SLC24A2: variants seen among roughly 807,000 people sequenced by gnomAD.
SLC24A2 encodes sodium/potassium/calcium exchanger 2.
A neutral mutation model predicts 62.0 loss-of-function variants in SLC24A2; 36 were observed. The ratio of observed to expected loss-of-function variants is 0.58; its 90% CI spans 0.44 to 0.77. The LOEUF is 0.77. Ranked by LOEUF, SLC24A2 falls within the 30% of genes least tolerant of loss-of-function variation. SLC24A2 has a pLI of 0.00. For missense variants in SLC24A2, 846 were observed against 817.9 expected, an observed-to-expected ratio of 1.03 and a Z score of -0.42; for synonymous variants, 358 against 294.0, an observed-to-expected ratio of 1.22 and a Z score of -2.23.
At chr9:20,039,567 T>G in the SLC24A2 span, among the ~76,000 whole-genome samples, 1 of 151,794 alleles carries the variant, frequency 6.6e-6, no homozygotes, top group South Asian at 2.1e-4. Context: ...AGGTTGGCAT[T>G]GTGGAAATAG....
At chr9:19,777,434 C>G (rs148781243) in intron 2 of SLC24A2, among the ~76,000 whole-genome samples, 1 of 152,064 alleles carries the variant, frequency 6.6e-6, no homozygotes, top group African/African-American at 2.4e-5. Context: ...TCTGCTTCTA[C>G]GAAATCAGAA....
chr9:19,844,851 C>G, the SLC24A2 span, among the ~76,000 whole-genome samples: 7 of 152,036 alleles, frequency 4.6e-5, no homozygotes, highest in East Asian at 1.2e-3. Context: ...TTTCTGGGTT[C>G]TCTTTTCTGT....
chr9:19,673,990 G>T (rs994921792), intron 2 of SLC24A2, among the ~76,000 whole-genome samples: 3 of 152,112 alleles, frequency 2.0e-5, no homozygotes, highest in African/African-American at 7.2e-5. Flanking sequence ...ATGCTTTAAG[G>T]AGGTTCTATT....
the SLC24A2 span, among the ~76,000 whole-genome samples, chr9:20,175,679 T>C: frequency 2.0e-5 from 3 of 152,036 alleles, no homozygotes; most frequent in African/African-American, 7.2e-5. Context: ...AAACAAATAT[T>C]AAAACCTTAG....
At chr9:19,758,396 G>A (rs925312464) in intron 2 of SLC24A2, among the ~76,000 whole-genome samples, 14 of 152,124 alleles carry the variant, frequency 9.2e-5, no homozygotes, top group East Asian at 3.9e-4. Flanking sequence ...TGAATAGGAC[G>A]TCAGCCCTTC....
intron 2 of SLC24A2, among the ~76,000 whole-genome samples, chr9:19,780,019 C>T (rs1822964966): frequency 6.6e-6 from 1 of 152,012 alleles, no homozygotes; most frequent in South Asian, 2.1e-4. Context: ...GCCGAGATCG[C>T]ACCACTGCAC....
chr9:19,524,709 G>T (rs1185354429), intron 9 of SLC24A2, among the ~76,000 whole-genome samples: 1 of 152,148 alleles, frequency 6.6e-6, no homozygotes, highest in African/African-American at 2.4e-5. Context: ...TCAATGAAAA[G>T]TAAGGCTTCC....
intron 2 of SLC24A2, among the ~76,000 whole-genome samples, chr9:19,700,182 TG>T (rs201609126): frequency 0.013 from 1,954 of 152,310 alleles, 42 homozygotes; most frequent in African/African-American, 0.045. Context: ...ACCAACTTCT[TG>T]GTTTTATGAC....
At chr9:20,046,982 T>A in the SLC24A2 span, among the ~76,000 whole-genome samples, 1 of 152,178 alleles carries the variant, frequency 6.6e-6, no homozygotes, top group South Asian at 2.1e-4. Flanking sequence ...GAAGACCACT[T>A]AGGGATCCCT....
chr9:19,555,039 G>C (rs1835014516), intron 7 of SLC24A2, among the ~76,000 whole-genome samples: 1 of 152,110 alleles, frequency 6.6e-6, no homozygotes, highest in Non-Finnish European at 1.5e-5. Flanking sequence ...GTTAACACTA[G>C]ACTAGGTGTC....
At chr9:19,596,733 G>A (rs1050523291) in intron 5 of SLC24A2, among the ~76,000 whole-genome samples, 6 of 152,192 alleles carry the variant, frequency 3.9e-5, no homozygotes, top group African/African-American at 1.4e-4. Flanking sequence ...GGACTGCAGG[G>A]AGACAGGCCA....
At chr9:20,024,819 T>G in the SLC24A2 span, among the ~76,000 whole-genome samples, 2 of 152,146 alleles carry the variant, frequency 1.3e-5, no homozygotes, top group Non-Finnish European at 2.9e-5. Flanking sequence ...ATGAAGCATC[T>G]GAGCCTAAAG....
At chr9:19,521,102 T>A in intron 9 of SLC24A2, 42 bp from the exon 10 acceptor site, 26 of 1,601,878 alleles carry the variant, frequency 1.6e-5, no homozygotes, top group Non-Finnish European at 2.2e-5. Context: ...TGTTTGAAGT[T>A]ACAAAATCAT....
chr9:19,667,922 G>C (rs551199846), intron 2 of SLC24A2, among the ~76,000 whole-genome samples: 1 of 152,234 alleles, frequency 6.6e-6, no homozygotes, highest in South Asian at 2.1e-4. Flanking sequence ...CAAGACTTCT[G>C]GGACTTTTCC....
intron 2 of SLC24A2, among the ~76,000 whole-genome samples, chr9:19,688,373 C>G (rs1819947033): frequency 6.6e-6 from 1 of 151,982 alleles, no homozygotes; most frequent in African/African-American, 2.4e-5. Flanking sequence ...AATGAGAAAA[C>G]ATGAAAATGG....
At chr9:20,086,010 C>T in the SLC24A2 span, among the ~76,000 whole-genome samples, 4 of 152,158 alleles carry the variant, frequency 2.6e-5, no homozygotes, top group African/African-American at 9.7e-5. Flanking sequence ...ATCCATGCTC[C>T]CTGCAAATTG....
intron 8 of SLC24A2, among the ~76,000 whole-genome samples, chr9:19,545,788 A>C (rs575737324): frequency 6.6e-6 from 1 of 152,004 alleles, no homozygotes; most frequent in South Asian, 2.1e-4. Flanking sequence ...ACAGGCACCC[A>C]CCACCACGCC....
chr9:19,975,985 G>A, the SLC24A2 span, among the ~76,000 whole-genome samples: 2 of 151,962 alleles, frequency 1.3e-5, no homozygotes, highest in Non-Finnish European at 2.9e-5. Context: ...GACCTCCTGG[G>A]CTCAAGCGAT....
intron 4 of SLC24A2, among the ~76,000 whole-genome samples, chr9:19,602,937 A>G (rs911598051): frequency 2.0e-5 from 3 of 152,196 alleles, no homozygotes; most frequent in East Asian, 1.9e-4. Flanking sequence ...TTGCCTCCCC[A>G]TGCATCAATT....
Sources: gnomAD v4.1 joint callset for allele counts (sites outside exome capture counted in the v4.1 genomes callset) on GRCh38, gnomAD v4.1.1 for gene constraint, MANE v1.5 for transcripts, NCBI Gene and HGNC (gene_info 2026-07-23, HGNC 2026-07-21) for gene names.